VAC14: variants seen among roughly 807,000 people sequenced by gnomAD.
The protein encoded by VAC14 is VAC14 component of PIKFYVE complex.
Under a neutral mutation model 85.3 loss-of-function variants are expected in VAC14, and 47 were observed. That is an observed-to-expected ratio of 0.55 (90% confidence interval 0.44 to 0.70). The LOEUF (loss-of-function observed/expected upper bound fraction) is 0.70. Among genes scored for constraint, VAC14 ranks in the 30% least tolerant of loss-of-function variants. The pLI is 0.00. For synonymous variants in VAC14, 447 were observed against 430.5 expected (o/e 1.04, Z -0.47); for missense variants, 861 against 1,004.3 (o/e 0.86, Z 1.93).
At chr16:70,770,449 T>A (rs2033133526) in intron 10 of VAC14, 1 of 152,246 alleles carries the variant, frequency 6.6e-6, no homozygotes, top group Non-Finnish European at 1.5e-5. Flanking sequence ...GCCATGAAAG[T>A]AATACTACTG....
chr16:70,769,036 G>A (rs78894722), intron 10 of VAC14: 31,478 of 257,340 alleles, frequency 0.12, 2,184 homozygotes, highest in African/African-American at 0.17. Flanking sequence ...GGCTGATCTC[G>A]AACTCCTGAC....
At chr16:70,714,040 A>T (rs1006274843) in intron 14 of VAC14, 1 of 152,170 alleles carries the variant, frequency 6.6e-6, no homozygotes, top group Non-Finnish European at 1.5e-5. Flanking sequence ...CAGCTGCTGG[A>T]AACAGGGCAC....
chr16:70,797,297 A>T (rs1374098708), intron 1 of VAC14, among the ~76,000 whole-genome samples: 2 of 152,132 alleles, frequency 1.3e-5, no homozygotes, highest in African/African-American at 4.8e-5. Context: ...TCACTCTGAC[A>T]CTGACTCTTC....
intron 14 of VAC14, among the ~76,000 whole-genome samples, chr16:70,727,164 GA>G (rs2054452866): frequency 6.6e-6 from 1 of 152,210 alleles, no homozygotes; most frequent in South Asian, 2.1e-4. Flanking sequence ...TTGCTGGCCA[GA>G]AGAATCTCTT....
rs958943445 is a variant in VAC14, at chr16:70,697,398, C to T, written c.1837-141G>A. On this transcript the variant is annotated intron_variant, in intron 15 of 18. Coordinates refer to ENST00000261776, the MANE Select transcript of VAC14 (RefSeq NM_018052.5). ...GGCAGCCAGAGCCAGCTTAGCACCCCGGCTGGGAACGAGCCGTCACAAAGG... is the reference window on the plus strand; with the variant it reads ...GGCAGCCAGAGCCAGCTTAGCACCCTGGCTGGGAACGAGCCGTCACAAAGG... 5 of 629,426 alleles carry T rather than the reference C, an allele frequency of 7.9e-6. No individual in the cohort carries two copies. In the Admixed American group the frequency reaches 8.7e-5, roughly 11 times the overall value. 39.0% of individuals were successfully genotyped at this position (629,426 alleles called of 1,614,324 possible).
intron 12 of VAC14, among the ~76,000 whole-genome samples, chr16:70,748,717 C>T (rs2031125491): frequency 6.6e-6 from 1 of 152,180 alleles, no homozygotes; most frequent in Non-Finnish European, 1.5e-5. Flanking sequence ...GAGACCGAGG[C>T]AGGCAGATCA....
intron 12 of VAC14, among the ~76,000 whole-genome samples, chr16:70,751,548 C>T (rs2031388014): frequency 6.6e-6 from 1 of 152,238 alleles, no homozygotes; most frequent in Admixed American, 6.5e-5. Context: ...TTCTGCTCCC[C>T]TCCAAGCAGG....
intron 14 of VAC14, among the ~76,000 whole-genome samples, chr16:70,710,996 G>T (rs896382573): frequency 1.3e-5 from 2 of 152,262 alleles, no homozygotes; most frequent in African/African-American, 4.8e-5. Context: ...CGAGTGCTCT[G>T]CCCTGGGCGC....
At position 70,792,468 on chromosome 16, in the gene VAC14, T is replaced by C. The variant is rs59303125; in HGVS notation, c.105-6103A>G. Reference sequence around the variant, plus strand: ...AGGGATCCACTTCTGCCTGGTTTCCTCCAAAAAGTGCTAAAGAACCCTGGC... The same window carrying C: ...AGGGATCCACTTCTGCCTGGTTTCCCCCAAAAAGTGCTAAAGAACCCTGGC... On this transcript the variant is annotated intron_variant, in intron 1 of 18. Coordinates refer to ENST00000261776, the MANE Select transcript of VAC14 (RefSeq NM_018052.5). Among the ~76,000 whole-genome samples the C allele has an allele frequency of 7.9e-5, 12 of 152,282 alleles. No individual in the cohort carries two copies. In the East Asian group the frequency reaches 1.7e-3, roughly 22 times the overall value.
At chr16:70,780,018 ATTTT>A (rs368861697) in intron 9 of VAC14, among the ~76,000 whole-genome samples, 4 of 111,860 alleles carry the variant, frequency 3.6e-5, no homozygotes, top group East Asian at 4.9e-4. Context: ...AATTTTTGTA[ATTTT>A]TTTTTTTTTT....
At chr16:70,783,404 G>T (rs758350195) in intron 6 of VAC14, 41 bp downstream of exon 6, 12 of 1,595,370 alleles carry the variant, frequency 7.5e-6, no homozygotes, top group Non-Finnish European at 8.6e-6. Flanking sequence ...ACAGCTGGGG[G>T]TGGCAGGAGG....
At chr16:70,760,965 GTGTGTGTGTGTGTGTGT>G (rs2032292743) in intron 12 of VAC14, among the ~76,000 whole-genome samples, 5 of 60,696 alleles carry the variant, frequency 8.2e-5, no homozygotes, top group African/African-American at 3.2e-4. Context: ...AAGAGAGGGT[GTGTGTGTGTGTGTGTGT>G]GTGTGTGTGT....
At chr16:70,723,119 G>C (rs1473656768) in intron 14 of VAC14, among the ~76,000 whole-genome samples, 1 of 152,120 alleles carries the variant, frequency 6.6e-6, no homozygotes, top group East Asian at 1.9e-4. Context: ...CTACTCGGGA[G>C]GCTGAGGCAT....
chr16:70,693,661 TACC>T (rs1362627265), intron 17 of VAC14, among the ~76,000 whole-genome samples: 1 of 152,156 alleles, frequency 6.6e-6, no homozygotes, highest in Non-Finnish European at 1.5e-5. Context: ...TGGCTGGCTG[TACC>T]ACAAGGCAGT....
At chr16:70,737,087 G>C (rs766491643) in intron 13 of VAC14, among the ~76,000 whole-genome samples, 29 of 152,228 alleles carry the variant, frequency 1.9e-4, no homozygotes, top group Non-Finnish European at 4.3e-4. Context: ...GATGGGTGGA[G>C]AGAGAACAAG....
At chr16:70,697,984 C>T (rs922551852) in intron 15 of VAC14, among the ~76,000 whole-genome samples, 1 of 107,306 alleles carries the variant, frequency 9.3e-6, no homozygotes, top group Non-Finnish European at 2.3e-5. Flanking sequence ...CCTCTGCAGC[C>T]ACCACCCCAG....
At chr16:70,752,811 C>A (rs2031496416) in intron 12 of VAC14, among the ~76,000 whole-genome samples, 1 of 152,212 alleles carries the variant, frequency 6.6e-6, no homozygotes, top group Non-Finnish European at 1.5e-5. Flanking sequence ...AGCTCCTCAT[C>A]CAACCAAACT....
At chr16:70,763,729 C>T (rs1363713018) in intron 10 of VAC14, among the ~76,000 whole-genome samples, 1 of 152,176 alleles carries the variant, frequency 6.6e-6, no homozygotes, top group Non-Finnish European at 1.5e-5. Flanking sequence ...TCAGGAGGTA[C>T]TTTTGTTCTG....
intron 14 of VAC14, among the ~76,000 whole-genome samples, chr16:70,730,674 T>G (rs1256547004): frequency 6.9e-6 from 1 of 145,312 alleles, no homozygotes; most frequent in Non-Finnish European, 1.5e-5. Flanking sequence ...CTCGGCTCAC[T>G]GCAACGTCCA....
Sources: gnomAD v4.1 joint callset for allele counts (sites outside exome capture counted in the v4.1 genomes callset) on GRCh38, gnomAD v4.1.1 for gene constraint, MANE v1.5 for transcripts, NCBI Gene and HGNC (gene_info 2026-07-23, HGNC 2026-07-21) for gene names.